The following TCHP variants were observed in gnomAD, a reference collection of about 807,000 sequenced individuals.
TCHP encodes trichoplein keratin filament-binding protein.
Under a neutral mutation model 88.7 loss-of-function variants are expected in TCHP, and 81 were observed. The ratio of observed to expected loss-of-function variants is 0.91; its 90% confidence interval spans 0.76 to 1.10. The LOEUF (loss-of-function observed/expected upper bound fraction) is 1.10. TCHP is among the 50% of genes least tolerant of loss of function. The pLI is 0.00. For missense variants in TCHP, 641 were observed against 632.1 expected (o/e 1.01, Z -0.15); for synonymous variants, 232 against 232.5 (o/e 1.00, Z 0.02).
chr12:109,903,170 C>T lies in TCHP; in HGVS notation c.144C>T (p.Ser48=). 6.2e-7 allele frequency: 1 copy of T among 1,613,846 alleles called. No homozygotes were observed. Among genetic ancestry groups the T allele is most frequent in the Non-Finnish European group, 8.5e-7 (1 of 1,179,786 alleles). The part of the protein sequence containing the change: ...SRYFRMSDIC[S]SKQAEWSSKT... ...ACTTCAGGATGTCTGACATCTGCAG[C>T]TCCAAACAGGCAGAATGGAGCTCTA... Residue 48 remains serine, a synonymous_variant, in exon 2 of 13, where the codon AGC becomes AGT. Coordinates refer to ENST00000405876, the MANE Select transcript of TCHP (RefSeq NM_001143852.2). The surrounding 1 kb of genome is among the most constrained non-coding windows in gnomAD (Gnocchi z 4.6).
chr12:109,915,515 A>C lies in TCHP; in HGVS notation c.1433A>C (p.Glu478Ala), dbSNP rs779863123. ...LSDALLQQEA[E>A]TMAEQGYRPK... is the part of the protein sequence containing the mutation. ...GATGCCCTGCTGCAGCAGGAGGCGG[A>C]GACTATGGCTGAGCAGGGCTACCGG... Residue 478 changes from glutamate to alanine, a missense_variant, in exon 12 of 13, where the codon GAG becomes GCG. Glu to Ala is a moderately radical substitution (Grantham distance 107). Transcript: ENST00000405876. The C allele has an allele frequency of 1.2e-5, 20 of 1,613,884 alleles. No homozygotes were observed. The South Asian group carries it at 2.2e-4, about 18-fold the overall frequency.
intron 6 of TCHP, 121 bp from the exon 7 acceptor site, chr12:109,908,465 C>T (rs1870273486): frequency 2.6e-6 from 2 of 775,816 alleles, no homozygotes; most frequent in Non-Finnish European, 4.3e-6. Context: ...GGATCGTGAC[C>T]ACCTGCATGG....
At chr12:109,915,113 C>T in intron 11 of TCHP, 1 of 529,676 alleles carries the variant, frequency 1.9e-6, no homozygotes, top group Non-Finnish European at 3.4e-6. Flanking sequence ...ACACACAATG[C>T]ATACAGCCTC....
In TCHP at chr12:109,916,675, C is replaced by A. The variant is rs1212160886; in HGVS notation, c.*52C>A. ...ACAAGGGATGCTGAGGCTTCTGATC[C>A]CAGCCGCCAGGCAGTTTTACAGGGC... On this transcript the variant is annotated 3_prime_UTR_variant, in exon 13 of 13. Coordinates refer to ENST00000405876, the MANE Select transcript of TCHP (RefSeq NM_001143852.2). The A allele has an allele frequency of 6.3e-7, 1 of 1,586,944 alleles. No homozygotes were observed. Among genetic ancestry groups the A allele is most frequent in the Admixed American group, 1.8e-5 (1 of 56,092 alleles).
In TCHP at chr12:109,903,037, C is replaced by G. The variant is rs777107314; in HGVS notation, c.11C>G (p.Pro4Arg). 6.3e-7 allele frequency: 1 copy of G among 1,598,570 alleles called. No homozygotes were observed. The highest frequency in any genetic ancestry group is 1.1e-5 in the South Asian group (1 of 89,642). The change falls in exon 2 of 13, where the codon CCG (proline) becomes CGG (arginine). Residue 4 changes from proline (P) to arginine (R), a missense_variant. Coordinates refer to ENST00000405876, the MANE Select transcript of TCHP (RefSeq NM_001143852.2). This position sits in a 1 kb window ranked among gnomAD's most constrained non-coding sequence, Gnocchi z 4.6. ...CATTCCTGTTCTCAGATGGCGCTCC[C>G]GACGCTGCCGTCCTACTGGTGCAGC... Reference protein sequence around the residue: MALPTLPSYWCSQQ... With the variant: MALRTLPSYWCSQQ...
At chr12:109,906,704 A>G in intron 5 of TCHP, 64 bp downstream of exon 5, 4 of 1,407,258 alleles carry the variant, frequency 2.8e-6, no homozygotes, top group Non-Finnish European at 4.0e-6. Context: ...ACGTCTTTGC[A>G]TTCGTTTACC....
chr12:109,903,205 A>G lies in TCHP; in HGVS notation c.179A>G (p.Tyr60Cys), dbSNP rs1394220463. The G allele has an allele frequency of 6.2e-7, 1 of 1,610,150 alleles. No individual in the cohort carries two copies. The highest frequency in any genetic ancestry group is 1.3e-5 in the African/African-American group (1 of 74,864). Residue 60 changes from tyrosine (Y) to cysteine (C), a missense_variant, in exon 2 of 13, where the codon TAC becomes TGC. Physicochemically the swap from Tyr to Cys is radical, Grantham distance 194. Coordinates refer to ENST00000405876, the MANE Select transcript of TCHP (RefSeq NM_001143852.2). This position sits in a 1 kb window ranked among gnomAD's most constrained non-coding sequence, Gnocchi z 4.6. Reference sequence around the variant, plus strand: ...GCAGAATGGAGCTCTAAAACCTCCTACCAGCGGAGGTAATTGTGCGGTAAC... The same window carrying G: ...GCAGAATGGAGCTCTAAAACCTCCTGCCAGCGGAGGTAATTGTGCGGTAAC... ...KQAEWSSKTS[Y>C]QRSMHAYQRE...
chr12:109,914,765 G>T (rs1870706494), intron 11 of TCHP, 138 bp downstream of exon 11: 1 of 657,390 alleles, frequency 1.5e-6, no homozygotes, highest in Admixed American at 2.9e-5. Flanking sequence ...TTCCATCCCA[G>T]CTGCAGTCCT....
chr12:109,907,346 G>A (rs1226462190), intron 5 of TCHP, among the ~76,000 whole-genome samples, 180 bp from the exon 6 acceptor site: 2 of 152,240 alleles, frequency 1.3e-5, no homozygotes, highest in Non-Finnish European at 2.9e-5. Flanking sequence ...GTGTTTTGTT[G>A]AGTGGGGAGG....
Position 109,911,176 on chromosome 12 carries a change from CATT to C in TCHP, c.994_996del (p.Ile332del). On this transcript the variant is annotated inframe_deletion, in exon 9 of 13. Transcript: ENST00000405876. The stretch of plus-strand genomic sequence containing the variant: ...CCGATGTGGCCTGGATGAAGCAGGC[CATT>C]GAGGAGCAGCTGCAGCTGGAGCGGG... 1 of 1,591,966 alleles carries C rather than the reference CATT, an allele frequency of 6.3e-7. No homozygotes were observed. The highest frequency in any genetic ancestry group is 8.5e-7 in the Non-Finnish European group (1 of 1,171,760).
chr12:109,910,392 C>T (rs1870418781), intron 8 of TCHP, among the ~76,000 whole-genome samples: 1 of 152,206 alleles, frequency 6.6e-6, no homozygotes, highest in African/African-American at 2.4e-5. Flanking sequence ...TCACGGCTCA[C>T]TGCAGCCTCA....
At chr12:109,908,752 T>C (rs1237303277) in intron 7 of TCHP, 54 bp downstream of exon 7, 3 of 1,562,758 alleles carry the variant, frequency 1.9e-6, no homozygotes, top group African/African-American at 2.7e-5. Flanking sequence ...CTCTTGCTTT[T>C]TCAGACTTGC....
At position 109,913,460 on chromosome 12, in the gene TCHP, C is replaced by T. The variant is rs1018549789; in HGVS notation, c.1134+388C>T. Reference sequence around the variant, plus strand: ...CTGTATCACGGACTGTCCTCTGTCACCCGCTGCCTTTCCATTCCCTCTTAT... The same window carrying T: ...CTGTATCACGGACTGTCCTCTGTCATCCGCTGCCTTTCCATTCCCTCTTAT... On this transcript the variant is annotated intron_variant, in intron 10 of 12. Transcript: ENST00000405876. Among the ~76,000 whole-genome samples, 5 of 152,186 alleles carry T rather than the reference C, an allele frequency of 3.3e-5. No homozygotes were observed. In the South Asian group the frequency reaches 6.2e-4, roughly 19 times the overall value.
rs1870911922 is a variant in TCHP at position 109,918,021 on chromosome 12, C to G, written c.*1398C>G. ...TCACGCATGCTCTCTGTTGCGTTCC[C>G]CATTTCAGATGTCCAGTAATGGTGA... On this transcript the variant is annotated 3_prime_UTR_variant, in exon 13 of 13. Transcript: ENST00000405876. The G allele has an allele frequency of 6.6e-6, 1 of 152,220 alleles. No homozygotes were observed. The highest frequency in any genetic ancestry group is 1.5e-5 in the Non-Finnish European group (1 of 68,030). The allele number at this position is 152,220 out of a possible 1,614,324, so 9.4% of individuals were successfully genotyped here.
At chr12:109,887,861 C>T in the TCHP span, 3 of 152,392 alleles carry the variant, frequency 2.0e-5, no homozygotes, top group Admixed American at 6.5e-5. Flanking sequence ...GCAGCCTCTA[C>T]CTCTTGGGCT....
chr12:109,884,898 C>G, the TCHP span, among the ~76,000 whole-genome samples: 20 of 152,334 alleles, frequency 1.3e-4, no homozygotes, highest in East Asian at 3.5e-3. Context: ...GAAATTCACC[C>G]TGATGTACGG....
Position 109,908,853 on chromosome 12 carries a change from C to T in TCHP, c.813-18C>T. The T allele has an allele frequency of 6.2e-7, 1 of 1,613,816 alleles. No individual in the cohort carries two copies. On this transcript the variant is annotated intron_variant, in intron 7 of 12. Coordinates refer to ENST00000405876, the MANE Select transcript of TCHP (RefSeq NM_001143852.2). ...TTTCTGAGATACTGAAGGCAGCCCA[C>T]ATTTGATTCTCCTTCAGGCGTTTCT...
intron 10 of TCHP, among the ~76,000 whole-genome samples, chr12:109,913,843 C>T (rs917401177): frequency 1.3e-5 from 2 of 152,152 alleles, no homozygotes; most frequent in African/African-American, 4.8e-5. Flanking sequence ...TTCTCCAGTG[C>T]CTTTTGATTT....
At chr12:109,895,956 C>CT (rs1869548044), upstream of TCHP, among the ~76,000 whole-genome samples, 1 of 151,906 alleles carries the variant, frequency 6.6e-6, no homozygotes, top group East Asian at 1.9e-4. Flanking sequence ...TTGCAGGCCT[C>CT]TTTTTTTTGA....
Sources: gnomAD v4.1 joint callset for allele counts (sites outside exome capture counted in the v4.1 genomes callset) on GRCh38, gnomAD v4.1.1 for gene constraint, Gnocchi (gnomAD v3.1) non-coding constraint, MANE v1.5 for transcripts, NCBI Gene and HGNC (gene_info 2026-07-23, HGNC 2026-07-21) for gene names.